The following CEP162 variants were observed in gnomAD, a reference collection of about 807,000 sequenced individuals.
CEP162 encodes centrosomal protein of 162 kDa.
CEP162 carries 141 observed loss-of-function variants against 169.2 expected under a neutral mutation model. That is an observed-to-expected ratio of 0.83 (90% CI 0.73 to 0.96). The LOEUF (loss-of-function observed/expected upper bound fraction) is 0.96, where lower values mean the gene tolerates loss of function less well. Among genes scored for constraint, CEP162 ranks in the 40% least tolerant of loss-of-function variants. The pLI, the probability that CEP162 is intolerant of heterozygous loss-of-function variation, is 0.00. For synonymous variants in CEP162, 540 were observed against 526.4 expected (o/e 1.03, Z -0.35); for missense variants, 1,600 against 1,587.2 (o/e 1.01, Z -0.14).
chr6:84,146,431 A>G (rs1339499823), intron 25 of CEP162, among the ~76,000 whole-genome samples: 1 of 152,072 alleles, frequency 6.6e-6, no homozygotes, highest in Non-Finnish European at 1.5e-5. Flanking sequence ...CAGAAAACCC[A>G]AACATCTCCC....
intron 19 of CEP162, among the ~76,000 whole-genome samples, chr6:84,162,354 A>G (rs1431766018): frequency 6.6e-6 from 1 of 152,198 alleles, no homozygotes; most frequent in Non-Finnish European, 1.5e-5. Context: ...TACAGTGGAT[A>G]CTACTATTAT....
At chr6:84,163,341 C>A in intron 18 of CEP162, 71 bp from the exon 19 acceptor site, 1 of 1,180,484 alleles carries the variant, frequency 8.5e-7, no homozygotes. Flanking sequence ...GTCTTTCAAA[C>A]AATCCATCAT....
chr6:84,175,915 T>C (rs2099532233), intron 13 of CEP162, among the ~76,000 whole-genome samples: 1 of 152,054 alleles, frequency 6.6e-6, no homozygotes, highest in African/African-American at 2.4e-5. Flanking sequence ...TGGCAATATA[T>C]ATTAAATTAT....
chr6:84,146,279 T>C (rs2099518823), intron 25 of CEP162, among the ~76,000 whole-genome samples: 1 of 152,140 alleles, frequency 6.6e-6, no homozygotes, highest in Admixed American at 6.6e-5. Context: ...TTTTCTCTTA[T>C]TAATCTGTCT....
At chr6:84,125,876 A>T (rs1449910202) in intron 26 of CEP162, among the ~76,000 whole-genome samples, 1 of 152,196 alleles carries the variant, frequency 6.6e-6, no homozygotes, top group Non-Finnish European at 1.5e-5. Context: ...AGACTAATAC[A>T]CTGTTCAAAC....
chr6:84,136,897 C>T (rs911217874), intron 25 of CEP162, among the ~76,000 whole-genome samples: 6 of 152,278 alleles, frequency 3.9e-5, no homozygotes, highest in Admixed American at 6.5e-5. Flanking sequence ...GAATGGCCAT[C>T]GGCCACACAC....
intron 13 of CEP162, among the ~76,000 whole-genome samples, chr6:84,178,265 G>GT (rs933285654): frequency 6.6e-5 from 10 of 150,804 alleles, no homozygotes; most frequent in African/African-American, 1.7e-4. Context: ...ATGGTATGGT[G>GT]TTTTTTTTTA....
rs1488301603 is a variant in CEP162, at chr6:84,200,808, C to A, written c.816G>T (p.Glu272Asp). 1.3e-5 allele frequency: 20 copies of A among 1,599,742 alleles called. No homozygotes were observed. The highest frequency in any genetic ancestry group is 1.7e-5 in the Non-Finnish European group (20 of 1,167,458). Reference sequence around the variant, plus strand: ...TTTTACCTGTTCCTGTCATTTCATTCTCAGTCATTTCTGGTAGGCACCTTG... The same window carrying A: ...TTTTACCTGTTCCTGTCATTTCATTATCAGTCATTTCTGGTAGGCACCTTG... ...PKPRCLPEMT[E>D]NEMTGTGVSY... Residue 272 changes from glutamate to aspartate, a missense_variant, in exon 9 of 27, where the codon GAG (glutamate) becomes GAT (aspartate). Physicochemically the swap from Glu to Asp is conservative, Grantham distance 45. Transcript: ENST00000403245.
At chr6:84,183,806 A>G (rs2127710421) in intron 13 of CEP162, among the ~76,000 whole-genome samples, 1 of 152,314 alleles carries the variant, frequency 6.6e-6, no homozygotes, top group African/African-American at 2.4e-5. Context: ...ACAACAACTT[A>G]ATTGTTATTT....
intron 25 of CEP162, among the ~76,000 whole-genome samples, chr6:84,135,306 A>C (rs1392043663): frequency 6.6e-6 from 1 of 152,368 alleles, no homozygotes; most frequent in Non-Finnish European, 1.5e-5. Flanking sequence ...TTACTTTACT[A>C]AAGTAAAAAA....
chr6:84,126,049 A>C (rs2099508815), intron 26 of CEP162, among the ~76,000 whole-genome samples: 1 of 152,136 alleles, frequency 6.6e-6, no homozygotes, highest in African/African-American at 2.4e-5. Flanking sequence ...TTTATTTCTT[A>C]TAAACATTTG....
At chr6:84,190,218 T>A (rs891577607) in intron 11 of CEP162, among the ~76,000 whole-genome samples, 3 of 152,164 alleles carry the variant, frequency 2.0e-5, no homozygotes, top group Non-Finnish European at 4.4e-5. Flanking sequence ...GGAGAACCTG[T>A]GTGTTGAAAC....
At chr6:84,207,272 T>A (rs1290409139) in intron 6 of CEP162, among the ~76,000 whole-genome samples, 2 of 152,192 alleles carry the variant, frequency 1.3e-5, no homozygotes, top group African/African-American at 4.8e-5. Flanking sequence ...TGCACATGTA[T>A]GTTTATTGTG....
intron 22 of CEP162, among the ~76,000 whole-genome samples, chr6:84,154,631 A>G (rs2099522453): frequency 6.6e-6 from 1 of 152,166 alleles, no homozygotes; most frequent in Non-Finnish European, 1.5e-5. Context: ...TACTCCTCAC[A>G]GGTGTTTGGA....
At chr6:84,224,666 C>T (rs1420093519) in intron 2 of CEP162, among the ~76,000 whole-genome samples, 3 of 151,828 alleles carry the variant, frequency 2.0e-5, no homozygotes, top group Non-Finnish European at 4.4e-5. Context: ...GTTAGCATGA[C>T]TCTAAAATCA....
At chr6:84,213,162 A>C (rs2099550166) in intron 5 of CEP162, 138 bp from the exon 6 acceptor site, 1 of 494,328 alleles carries the variant, frequency 2.0e-6, no homozygotes. Context: ...CAAAAGCTAA[A>C]AATTTGGGAA....
chr6:84,183,154 T>G (rs1372735579), intron 13 of CEP162, among the ~76,000 whole-genome samples: 3 of 151,050 alleles, frequency 2.0e-5, no homozygotes, highest in African/African-American at 7.3e-5. Context: ...TAATAATGTG[T>G]TTTTTTTTAT....
intron 9 of CEP162, among the ~76,000 whole-genome samples, chr6:84,197,523 A>G (rs1262171822): frequency 1.3e-5 from 2 of 152,110 alleles, no homozygotes; most frequent in Non-Finnish European, 2.9e-5. Flanking sequence ...TCAACTTTAG[A>G]AAATTGAGGC....
rs972999324 is a variant in CEP162 at position 84,186,214 on chromosome 6, A to AG, written c.1401+117dup. ...CACAAATATCCAAGATCTACTGTGG[A>AG]GGTTAGTATATAATCAATCCCACTA... On this transcript the variant is annotated intron_variant, in intron 12 of 26. Transcript: ENST00000403245. The AG allele has an allele frequency of 1.1e-4, 64 of 583,636 alleles. 1 individual carries two copies. In the African/African-American group the frequency reaches 1.2e-3, roughly 11 times the overall value. 36.2% of individuals were successfully genotyped at this position (583,636 alleles called of 1,614,324 possible).
Sources: gnomAD v4.1 joint callset for allele counts (sites outside exome capture counted in the v4.1 genomes callset) on GRCh38, gnomAD v4.1.1 for gene constraint, MANE v1.5 for transcripts, NCBI Gene and HGNC (gene_info 2026-07-23, HGNC 2026-07-21) for gene names.